JADE3: variants seen among roughly 807,000 people sequenced by gnomAD.
JADE3 encodes protein Jade-3.
Under a neutral mutation model 50.1 loss-of-function variants are expected in JADE3, and 2 were observed. The observed-to-expected ratio is 0.04, with a 90% confidence interval of 0.02 to 0.13. JADE3 has a LOEUF of 0.13. JADE3 is among the 10% of genes least tolerant of loss of function. The pLI, the probability that JADE3 is intolerant of heterozygous loss-of-function variation, is 1.00. For synonymous variants in JADE3, 218 were observed against 232.9 expected (o/e 0.94, Z 0.58); for missense variants, 475 against 634.4 (o/e 0.75, Z 2.70).
At chrX:47,047,097 C>T (rs1929394185) in intron 8 of JADE3, among the ~76,000 whole-genome samples, 2 of 111,320 alleles carry the variant, frequency 1.8e-5, no homozygotes, top group Non-Finnish European at 3.8e-5. Flanking sequence ...TTTGGGAGCC[C>T]GAGGCAAGAG....
chrX:46,921,278 C>T (rs1416321836), intron 1 of JADE3, among the ~76,000 whole-genome samples: 1 of 112,113 alleles, frequency 8.9e-6, no homozygotes, highest in Admixed American at 9.4e-5. Context: ...TAAGGTCTTG[C>T]TATGTTCCCC....
At chrX:47,047,164 A>T (rs1463976205) in intron 8 of JADE3, among the ~76,000 whole-genome samples, 1 of 111,993 alleles carries the variant, frequency 8.9e-6, no homozygotes, top group African/African-American at 3.2e-5. Context: ...CTTCTTATAA[A>T]TGTGGATTTG....
At chrX:46,930,751 C>G (rs781782772) in intron 1 of JADE3, among the ~76,000 whole-genome samples, 5 of 111,390 alleles carry the variant, frequency 4.5e-5, no homozygotes, top group African/African-American at 6.5e-5. Flanking sequence ...TCCATTTGCC[C>G]CCATCACAGC....
intron 1 of JADE3, among the ~76,000 whole-genome samples, chrX:46,938,773 T>C (rs1556341697): frequency 8.9e-6 from 1 of 112,183 alleles, no homozygotes. Context: ...GAATTCTGTG[T>C]TGACATTTTT....
intron 1 of JADE3, among the ~76,000 whole-genome samples, chrX:46,944,325 G>A (rs1448747901): frequency 1.1e-5 from 1 of 94,301 alleles, no homozygotes; most frequent in Non-Finnish European, 2.1e-5. Flanking sequence ...TTTTTTTTGA[G>A]ACTGAGTATT....
chrX:47,050,653 A>G (rs1309624492), intron 8 of JADE3, among the ~76,000 whole-genome samples: 1 of 111,982 alleles, frequency 8.9e-6, no homozygotes, highest in Admixed American at 9.5e-5. Flanking sequence ...TTACCTATGC[A>G]TTATCTTTTA....
chrX:46,952,854 C>T (rs782255479), intron 1 of JADE3, among the ~76,000 whole-genome samples: 5 of 110,999 alleles, frequency 4.5e-5, no homozygotes, highest in Admixed American at 9.6e-5. Flanking sequence ...AAAATTTAGC[C>T]GGGCATGGTG....
chrX:47,007,284 C>A (rs1479399823), intron 4 of JADE3, among the ~76,000 whole-genome samples: 1 of 111,796 alleles, frequency 8.9e-6, no homozygotes, highest in Non-Finnish European at 1.9e-5. Flanking sequence ...AATGTCAATT[C>A]GTTCAACTCT....
At chrX:46,913,864 T>C (rs1926024489) in intron 1 of JADE3, among the ~76,000 whole-genome samples, 1 of 110,613 alleles carries the variant, frequency 9.0e-6, no homozygotes, top group Non-Finnish European at 1.9e-5. Context: ...TGCAAGGAAA[T>C]CCGTGGCCTC....
At chrX:46,966,385 G>A (rs1175238894) in intron 1 of JADE3, among the ~76,000 whole-genome samples, 2 of 110,016 alleles carry the variant, frequency 1.8e-5, no homozygotes, top group Non-Finnish European at 3.8e-5. Flanking sequence ...TGTCTCTTTC[G>A]CCTTTCCTTT....
intron 4 of JADE3, among the ~76,000 whole-genome samples, chrX:47,021,950 C>T (rs1928803353): frequency 8.9e-6 from 1 of 112,145 alleles, no homozygotes; most frequent in South Asian, 3.6e-4. Context: ...ATTTTTCAGT[C>T]TCTTCCTTTA....
intron 8 of JADE3, among the ~76,000 whole-genome samples, chrX:47,039,313 TTAAG>T (rs1437853632): frequency 9.0e-6 from 1 of 111,612 alleles, no homozygotes; most frequent in Non-Finnish European, 1.9e-5. Flanking sequence ...AGCTGATGAA[TTAAG>T]TGAGTTCTAA....
At chrX:46,996,563 C>T (rs940898127) in intron 3 of JADE3, among the ~76,000 whole-genome samples, 8 of 111,967 alleles carry the variant, frequency 7.1e-5, no homozygotes, top group Non-Finnish European at 1.3e-4. Context: ...GTGCTCCCTC[C>T]GTAGGTTTTA....
chrX:46,956,561 CTG>C (rs1394088240), intron 1 of JADE3, among the ~76,000 whole-genome samples: 1 of 110,694 alleles, frequency 9.0e-6, no homozygotes. Context: ...GGGTTTCACT[CTG>C]TCAGCCAGGC....
chrX:46,950,386 A>G (rs1556344590), intron 1 of JADE3, among the ~76,000 whole-genome samples: 1 of 112,635 alleles, frequency 8.9e-6, no homozygotes, highest in African/African-American at 3.2e-5. Flanking sequence ...GAAGCGTATA[A>G]CATATGGTCT....
chrX:47,044,383 A>C (rs1929330745), intron 8 of JADE3, among the ~76,000 whole-genome samples: 1 of 111,724 alleles, frequency 9.0e-6, no homozygotes, highest in Non-Finnish European at 1.9e-5. Flanking sequence ...ATGACATATT[A>C]AAAGTTTTGA....
chrX:46,931,253 G>A (rs186804860), intron 1 of JADE3, among the ~76,000 whole-genome samples: 1 of 111,233 alleles, frequency 9.0e-6, no homozygotes, highest in Non-Finnish European at 1.9e-5. Context: ...ACTAACCAGC[G>A]ACTACTAGAC....
intron 3 of JADE3, among the ~76,000 whole-genome samples, chrX:46,987,244 A>G (rs1927882760): frequency 8.9e-6 from 1 of 112,661 alleles, no homozygotes; most frequent in African/African-American, 3.2e-5. Flanking sequence ...GGCCTTTTCC[A>G]TAGATCCTCT....
intron 10 of JADE3, among the ~76,000 whole-genome samples, chrX:47,057,227 TG>T (rs782075734): frequency 6.2e-4 from 69 of 111,229 alleles, no homozygotes; most frequent in African/African-American, 2.2e-3. Flanking sequence ...ATGGGGGTTG[TG>T]GGTGTTCAAG....
Sources: gnomAD v4.1 joint callset for allele counts (sites outside exome capture counted in the v4.1 genomes callset) on GRCh38, gnomAD v4.1.1 for gene constraint, MANE v1.5 for transcripts, NCBI Gene and HGNC (gene_info 2026-07-23, HGNC 2026-07-21) for gene names.